Variants in ZNF347 observed in about 807,000 individuals in gnomAD.
The protein encoded by ZNF347 is zinc finger protein 347.
Under a neutral mutation model 12.9 loss-of-function variants are expected in ZNF347, and 19 were observed. The observed-to-expected ratio is 1.47, with a 90% CI of 1.03 to 2.16. The LOEUF (loss-of-function observed/expected upper bound fraction) is 2.16, where lower values mean the gene tolerates loss of function less well. ZNF347 is among the 30% of genes most tolerant of loss of function. ZNF347 has a pLI of 0.00. For missense variants in ZNF347, 1,005 were observed against 990.6 expected (o/e 1.01, Z -0.19); for synonymous variants, 328 against 340.6 (o/e 0.96, Z 0.41).
intron 1 of ZNF347, among the ~76,000 whole-genome samples, chr19:53,154,868 T>C (rs750009330): frequency 7.3e-5 from 11 of 151,296 alleles, no homozygotes; most frequent in Admixed American, 4.6e-4. Flanking sequence ...AAAAAAATTG[T>C]AGTGTATTGT....
intron 2 of ZNF347, among the ~76,000 whole-genome samples, chr19:53,152,907 G>A (rs2090508228): frequency 6.6e-6 from 1 of 152,122 alleles, no homozygotes; most frequent in African/African-American, 2.4e-5. Flanking sequence ...TCCAGCCTGG[G>A]CGACAGAGCA....
intron 3 of ZNF347, 55 bp from the exon 4 acceptor site, chr19:53,148,864 C>T: frequency 6.3e-7 from 1 of 1,583,872 alleles, no homozygotes. Context: ...GAGTCCCAGT[C>T]CTATGTTTAC....
At chr19:53,158,255 G>C (rs1467140837) in intron 1 of ZNF347, among the ~76,000 whole-genome samples, 1 of 152,048 alleles carries the variant, frequency 6.6e-6, no homozygotes, top group Non-Finnish European at 1.5e-5. Context: ...GGCCCGGCAC[G>C]AGGAGGAGGG....
chr19:53,145,351 A>C (rs2090456468), intron 4 of ZNF347, among the ~76,000 whole-genome samples: 1 of 151,326 alleles, frequency 6.6e-6, no homozygotes, highest in South Asian at 2.1e-4. Flanking sequence ...ATTCCTGAAC[A>C]GCCACTGAGT....
intron 4 of ZNF347, among the ~76,000 whole-genome samples, chr19:53,144,997 TA>T (rs2090453433): frequency 6.6e-6 from 1 of 151,892 alleles, no homozygotes; most frequent in Non-Finnish European, 1.5e-5. Context: ...CCTCAGAAGA[TA>T]CACAAACATG....
At chr19:53,143,797 C>T (rs549229350) in intron 4 of ZNF347, among the ~76,000 whole-genome samples, 11 of 152,120 alleles carry the variant, frequency 7.2e-5, no homozygotes, top group African/African-American at 1.9e-4. Flanking sequence ...CCTGAGGAAT[C>T]GCCACACTGA....
chr19:53,150,089 G>A (rs1429459287), intron 2 of ZNF347, among the ~76,000 whole-genome samples: 4 of 152,184 alleles, frequency 2.6e-5, no homozygotes, highest in African/African-American at 7.2e-5. Flanking sequence ...AATTCATGAT[G>A]TATAAGCCAG....
intron 4 of ZNF347, among the ~76,000 whole-genome samples, chr19:53,146,855 T>C (rs1369274629): frequency 6.6e-6 from 1 of 150,988 alleles, no homozygotes; most frequent in African/African-American, 2.5e-5. Context: ...AATAACAAAA[T>C]TGAAGCTGAA....
chr19:53,149,422 C>T, intron 2 of ZNF347, 55 bp from the exon 3 acceptor site: 1 of 1,609,076 alleles, frequency 6.2e-7, no homozygotes, highest in Non-Finnish European at 8.5e-7. Flanking sequence ...CCAATCTTCA[C>T]ATAAAATGAG....
Position 53,140,045 on chromosome 19 carries a change from C to G in ZNF347, c.*263G>C. On this transcript the variant is annotated 3_prime_UTR_variant, in exon 5 of 5. Coordinates refer to ENST00000334197, the MANE Select transcript of ZNF347 (RefSeq NM_032584.3). ...CCTCCTATATAGCTGGGATTACAGG[C>G]GCACGCCACCAGGCCTAGCTAATTG... 2 of 335,888 alleles carry G rather than the reference C, an allele frequency of 6.0e-6. No homozygotes were observed. Among genetic ancestry groups the G allele is most frequent in the Non-Finnish European group, 1.1e-5 (2 of 185,644 alleles). The allele number at this position is 335,888 out of a possible 1,614,324, so 20.8% of individuals were successfully genotyped here.
chr19:53,145,737 T>C lies in ZNF347; in HGVS notation c.271+2944A>G, dbSNP rs12983484. On this transcript the variant is annotated intron_variant, in intron 4 of 4. Coordinates refer to ENST00000334197, the MANE Select transcript of ZNF347 (RefSeq NM_032584.3). ...TTAAAATGCAAAACAGCACAATCTA[T>C]AGGATACAGAAAAAGCAGCAAAAAG... Among the ~76,000 whole-genome samples the C allele has an allele frequency of 7.5e-3, 1,133 of 151,578 alleles. 3 individuals carry two copies. Among genetic ancestry groups the C allele is most frequent in the Admixed American group, 0.012 (177 of 15,212 alleles).
In ZNF347 at chr19:53,151,379, T is replaced by C. The variant is rs967130314; in HGVS notation, c.16-2012A>G. Among the ~76,000 whole-genome samples, 7 of 150,756 alleles carry C rather than the reference T, an allele frequency of 4.6e-5. No individual in the cohort carries two copies. In the East Asian group the frequency reaches 9.9e-4, roughly 21 times the overall value. On this transcript the variant is annotated intron_variant, in intron 2 of 4. Coordinates refer to ENST00000334197, the MANE Select transcript of ZNF347 (RefSeq NM_032584.3). ...TGAAACTCCGTCTCTACTAAAAAAATACAAAAAAATTAGCCAGGCATGGTG... is the reference window on the plus strand; with the variant it reads ...TGAAACTCCGTCTCTACTAAAAAAACACAAAAAAATTAGCCAGGCATGGTG...
In ZNF347 at chr19:53,140,612, C is replaced by A; in HGVS notation, c.2216G>T (p.Cys739Phe). 6.8e-6 allele frequency: 11 copies of A among 1,613,500 alleles called. No homozygotes were observed. The highest frequency in any genetic ancestry group is 9.3e-6 in the Non-Finnish European group (11 of 1,179,890). The stretch of plus-strand genomic sequence containing the variant: ...AGTGAAGACCTTCCCACACTCATTG[C>A]ATTTGTAAGGTTTTTTTCCAGTATG... ...AIHTGKKPYK[C>F]NECGKVFTQN... Residue 739 changes from cysteine to phenylalanine, a missense_variant, in exon 5 of 5, where the codon TGC (cysteine) becomes TTC (phenylalanine). Transcript: ENST00000334197.
At position 53,140,721 on chromosome 19, in the gene ZNF347, G is replaced by A; in HGVS notation, c.2107C>T (p.His703Tyr). ...TSKLARHQRV[H>Y]TGEKPYECNQ... is the part of the protein sequence containing the mutation. ...CACTCATATGGTTTCTCTCCAGTAT[G>A]AACTCTCTGATGCCTTGCAAGCTTT... The change falls in exon 5 of 5, where the codon CAT (histidine) becomes TAT (tyrosine). Residue 703 changes from histidine to tyrosine, a missense_variant. Transcript: ENST00000334197. 6.2e-7 allele frequency: 1 copy of A among 1,613,180 alleles called. No individual in the cohort carries two copies. The highest frequency in any genetic ancestry group is 1.1e-5 in the South Asian group (1 of 90,946).
At position 53,152,534 on chromosome 19, in the gene ZNF347, G is replaced by C. The variant is rs1384543500; in HGVS notation, c.15+1199C>G. 2.0e-5 allele frequency among the ~76,000 whole-genome samples: 3 copies of C among 152,072 alleles called. 1 individual carries two copies. The highest frequency in any genetic ancestry group is 4.4e-5 in the Non-Finnish European group (3 of 68,020). ...AGGCGAAAGAATTGCTTGAATCCGG[G>C]AGGTAGAGGTTGCAGTGAGCCGAGA... On this transcript the variant is annotated intron_variant, in intron 2 of 4. Coordinates refer to ENST00000334197, the MANE Select transcript of ZNF347 (RefSeq NM_032584.3).
intron 4 of ZNF347, among the ~76,000 whole-genome samples, chr19:53,148,125 C>G (rs1008530556): frequency 5.0e-4 from 76 of 152,156 alleles, no homozygotes; most frequent in Admixed American, 6.5e-5. Context: ...TTCACTACTT[C>G]TATTCAACAT....
At chr19:53,145,489 C>A (rs980296551) in intron 4 of ZNF347, among the ~76,000 whole-genome samples, 1 of 150,960 alleles carries the variant, frequency 6.6e-6, no homozygotes, top group African/African-American at 2.4e-5. Flanking sequence ...ACTTCCTGGG[C>A]TCAAGTGATC....
At chr19:53,150,228 T>C (rs1568642056) in intron 2 of ZNF347, among the ~76,000 whole-genome samples, 5 of 152,116 alleles carry the variant, frequency 3.3e-5, no homozygotes, top group African/African-American at 1.2e-4. Flanking sequence ...TTGAACTGAA[T>C]AGGAGGTCAC....
intron 4 of ZNF347, among the ~76,000 whole-genome samples, chr19:53,146,739 G>A (rs2090465827): frequency 1.3e-5 from 2 of 151,900 alleles, no homozygotes; most frequent in South Asian, 2.1e-4. Flanking sequence ...GGACAATTAT[G>A]AACAACTACA....
Sources: gnomAD v4.1 joint callset for allele counts (sites outside exome capture counted in the v4.1 genomes callset) on GRCh38, gnomAD v4.1.1 for gene constraint, MANE v1.5 for transcripts, NCBI Gene and HGNC (gene_info 2026-07-23, HGNC 2026-07-21) for gene names.